Variants in GRM1 observed in about 807,000 individuals in gnomAD.
GRM1 encodes metabotropic glutamate receptor 1.
In GRM1, 33 loss-of-function variants were observed where a neutral mutation model predicts 90.9. That is an observed-to-expected ratio of 0.36 (90% CI 0.28 to 0.49). The LOEUF is 0.49. Among genes scored for constraint, GRM1 ranks in the 20% least tolerant of loss-of-function variants. GRM1 has a pLI of 0.99. For synonymous variants in GRM1, 700 were observed against 613.2 expected, an observed-to-expected ratio of 1.14 and a Z score of -2.09; for missense variants, 1,190 against 1,534.3, an observed-to-expected ratio of 0.78 and a Z score of 3.75.
chr6:146,330,750 T>G (rs1385987405), intron 3 of GRM1, among the ~76,000 whole-genome samples: 1 of 152,202 alleles, frequency 6.6e-6, no homozygotes, highest in Admixed American at 6.5e-5. Context: ...ACATATATTC[T>G]GCAATAAAGG....
chr6:146,215,814 T>C (rs1035230217), intron 2 of GRM1, among the ~76,000 whole-genome samples: 1 of 151,580 alleles, frequency 6.6e-6, no homozygotes, highest in Non-Finnish European at 1.5e-5. Context: ...TGGAGTGCAG[T>C]GGCTCGATCT....
chr6:146,349,002 C>G (rs1184928899), intron 3 of GRM1, among the ~76,000 whole-genome samples: 2 of 151,538 alleles, frequency 1.3e-5, no homozygotes, highest in Admixed American at 1.3e-4. Context: ...AGCATTATAG[C>G]TCATTTATTA....
chr6:146,096,113 T>A (rs946903220), intron 1 of GRM1, among the ~76,000 whole-genome samples: 1 of 152,176 alleles, frequency 6.6e-6, no homozygotes, highest in Non-Finnish European at 1.5e-5. Flanking sequence ...TTCCTGTCTT[T>A]GCTGAAATTT....
intron 2 of GRM1, among the ~76,000 whole-genome samples, chr6:146,255,270 A>C (rs1234125131): frequency 6.6e-6 from 1 of 152,338 alleles, no homozygotes; most frequent in East Asian, 1.9e-4. Context: ...TGAGGCTTGA[A>C]TTAATGAAAT....
At chr6:146,248,512 G>A (rs1372459177) in intron 2 of GRM1, among the ~76,000 whole-genome samples, 2 of 152,120 alleles carry the variant, frequency 1.3e-5, no homozygotes, top group South Asian at 2.1e-4. Flanking sequence ...ATGTAAAGAA[G>A]GTCCTTGCTT....
chr6:146,223,468 C>T (rs1780138429), intron 2 of GRM1, among the ~76,000 whole-genome samples: 1 of 152,064 alleles, frequency 6.6e-6, no homozygotes, highest in Non-Finnish European at 1.5e-5. Context: ...AGTTTAAAGA[C>T]TTTTCATCTG....
At chr6:146,309,599 C>G (rs1467430703) in intron 3 of GRM1, among the ~76,000 whole-genome samples, 1 of 151,860 alleles carries the variant, frequency 6.6e-6, no homozygotes, top group Non-Finnish European at 1.5e-5. Context: ...GTCTTTATAA[C>G]CACCATTTTA....
Position 146,437,372 on chromosome 6 carries a change from T to C in GRM1, c.*2576T>C, listed in dbSNP as rs1336844772. On this transcript the variant is annotated 3_prime_UTR_variant, in exon 8 of 8. Coordinates refer to ENST00000282753, the MANE Select transcript of GRM1 (RefSeq NM_001278064.2). Reference sequence around the variant, plus strand: ...CTCTGAATGCCTACTATTATCCTGATTATGGGGTCTCCTGAATAAATAGAG... The same window carrying C: ...CTCTGAATGCCTACTATTATCCTGACTATGGGGTCTCCTGAATAAATAGAG... 1.3e-5 allele frequency: 2 copies of C among 152,590 alleles called. No individual in the cohort carries two copies. The highest frequency in any genetic ancestry group is 4.8e-5 in the African/African-American group (2 of 41,438). 9.5% of individuals were successfully genotyped at this position (152,590 alleles called of 1,614,324 possible).
At chr6:146,232,429 T>C (rs1173693211) in intron 2 of GRM1, among the ~76,000 whole-genome samples, 2 of 152,090 alleles carry the variant, frequency 1.3e-5, no homozygotes, top group Admixed American at 6.6e-5. Context: ...TATATTTATA[T>C]GGTACATGAG....
At chr6:146,425,296 T>C (rs1778155952) in intron 7 of GRM1, among the ~76,000 whole-genome samples, 1 of 152,208 alleles carries the variant, frequency 6.6e-6, no homozygotes, top group Non-Finnish European at 1.5e-5. Flanking sequence ...TCCAGAGTAT[T>C]CTTGTTTAAA....
intron 1 of GRM1, among the ~76,000 whole-genome samples, chr6:146,046,094 T>C (rs1214671117): frequency 6.6e-6 from 1 of 151,998 alleles, no homozygotes; most frequent in African/African-American, 2.4e-5. Context: ...TTCTCATCTG[T>C]AAAGAGTCTG....
chr6:146,246,180 C>A (rs893424340), intron 2 of GRM1, among the ~76,000 whole-genome samples: 1 of 152,166 alleles, frequency 6.6e-6, no homozygotes, highest in Non-Finnish European at 1.5e-5. Context: ...CAGTTATACT[C>A]CAGAGAGCAG....
chr6:146,418,092 G>A (rs2206956), intron 7 of GRM1, among the ~76,000 whole-genome samples: 95,199 of 151,748 alleles, frequency 0.63, 31,961 homozygotes, highest in African/African-American at 0.89. Flanking sequence ...ACTCTACTGT[G>A]GAGTTCTGAA....
chr6:146,408,389 A>G (rs1283583333), intron 7 of GRM1, among the ~76,000 whole-genome samples: 1 of 152,120 alleles, frequency 6.6e-6, no homozygotes, highest in Non-Finnish European at 1.5e-5. Context: ...CTTAACTTCT[A>G]TGTGTTTCAG....
chr6:146,352,668 CT>C (rs1785448739), intron 4 of GRM1, among the ~76,000 whole-genome samples, 172 bp downstream of exon 4: 2 of 152,158 alleles, frequency 1.3e-5, no homozygotes, highest in South Asian at 4.1e-4. Context: ...GACCACACCA[CT>C]TTTTAAGACA....
At position 146,082,300 on chromosome 6, in the gene GRM1, C is replaced by T. The variant is rs1036343798; in HGVS notation, c.700+52083C>T. Among the ~76,000 whole-genome samples the T allele has an allele frequency of 2.0e-5, 3 of 152,182 alleles. No individual in the cohort carries two copies. In the East Asian group the frequency reaches 5.8e-4, roughly 29 times the overall value. ...CCTCCCATGTGGCTGGGATTACAGG[C>T]ACCCACCACCATGCTGAATTAATTT... On this transcript the variant is annotated intron_variant, in intron 1 of 7. Coordinates refer to ENST00000282753, the MANE Select transcript of GRM1 (RefSeq NM_001278064.2).
intron 3 of GRM1, among the ~76,000 whole-genome samples, chr6:146,319,124 C>G (rs964308916): frequency 6.6e-6 from 1 of 152,036 alleles, no homozygotes; most frequent in Non-Finnish European, 1.5e-5. Context: ...TTTATGACTT[C>G]AGGTCTTACA....
intron 5 of GRM1, among the ~76,000 whole-genome samples, chr6:146,371,326 A>G (rs923390709): frequency 6.6e-6 from 1 of 151,912 alleles, no homozygotes; most frequent in Non-Finnish European, 1.5e-5. Flanking sequence ...TTTTATTTTA[A>G]TTTTTAATTT....
chr6:146,368,580 TAA>T (rs1491232540), intron 5 of GRM1, among the ~76,000 whole-genome samples: 15 of 152,132 alleles, frequency 9.9e-5, no homozygotes. Flanking sequence ...TTTTTATTAT[TAA>T]GTGATGTTGA....
Sources: gnomAD v4.1 joint callset for allele counts (sites outside exome capture counted in the v4.1 genomes callset) on GRCh38, gnomAD v4.1.1 for gene constraint, MANE v1.5 for transcripts, NCBI Gene and HGNC (gene_info 2026-07-23, HGNC 2026-07-21) for gene names.